The following PRAG1 variants were observed in gnomAD, a reference collection of about 807,000 sequenced individuals.
The protein encoded by PRAG1 is PEAK1 related, kinase-activating pseudokinase 1, also known as inactive tyrosine-protein kinase PRAG1.
Under a neutral mutation model 95.6 loss-of-function variants are expected in PRAG1, and 110 were observed. The observed-to-expected ratio is 1.15, with a 90% CI of 0.99 to 1.35. The LOEUF (loss-of-function observed/expected upper bound fraction) is 1.35. PRAG1 is among the 40% of genes most tolerant of loss of function. The probability of loss-of-function intolerance (pLI) is 0.00; values close to 1 mark genes in which losing one functional copy is unlikely to be tolerated. For missense variants in PRAG1, 2,554 were observed against 1,864.7 expected (o/e 1.37, Z -6.81); for synonymous variants, 1,052 against 819.4 (o/e 1.28, Z -4.85).
At chr8:8,319,846 T>C (rs1036917490) in intron 5 of PRAG1, among the ~76,000 whole-genome samples, 3 of 152,206 alleles carry the variant, frequency 2.0e-5, no homozygotes, top group African/African-American at 7.2e-5. Context: ...GAAAAGATGC[T>C]GGACATCATT....
chr8:8,385,780 G>T, intron 1 of PRAG1, among the ~76,000 whole-genome samples: 1 of 152,052 alleles, frequency 6.6e-6, no homozygotes, highest in African/African-American at 2.4e-5. Flanking sequence ...GGTTAATAAC[G>T]TGCTCACAGC....
chr8:8,381,721 G>A lies in PRAG1; in HGVS notation c.27C>T (p.Pro9=), dbSNP rs750054213. 4.0e-5 allele frequency: 64 copies of A among 1,600,814 alleles called. No individual in the cohort carries two copies. The highest frequency in any genetic ancestry group is 6.7e-5 in the East Asian group (3 of 44,564). The change falls in exon 2 of 6, where the codon CCC becomes CCT. Residue 9 remains proline, a synonymous_variant. Transcript: ENST00000615670. ...TGCACGCAGACATTTTCAGGCTCTC[G>A]GGGTTCAGGCAGAGGGTCTGGTGCA... The part of the protein sequence containing the change: MHQTLCLN[P]ESLKMSACSD...
chr8:8,318,018 A>G lies in PRAG1; in HGVS notation c.*136T>C, dbSNP rs1367624269. ...TATATATGGTATATGTATTTTCTAT[A>G]TATATATTTATATATTTTACATCCA... On this transcript the variant is annotated 3_prime_UTR_variant, in exon 6 of 6. Transcript: ENST00000615670. This position sits in a 1 kb window ranked among gnomAD's most constrained non-coding sequence, Gnocchi z 4.2. 2 of 642,486 alleles carry G rather than the reference A, an allele frequency of 3.1e-6. No individual in the cohort carries two copies. The highest frequency in any genetic ancestry group is 4.7e-6 in the Non-Finnish European group (2 of 424,864). The allele number at this position is 642,486 out of a possible 1,614,324, so 39.8% of individuals were successfully genotyped here. A position where few individuals can be genotyped will look rare whatever the true frequency, so the allele number is the denominator to read the frequency against.
intron 3 of PRAG1, among the ~76,000 whole-genome samples, chr8:8,342,905 C>T (rs994257960): frequency 6.6e-6 from 1 of 151,992 alleles, no homozygotes; most frequent in African/African-American, 2.4e-5. Flanking sequence ...ATAAATCTGA[C>T]TACTTTAAAA....
At chr8:8,366,483 T>G (rs1363600901) in intron 3 of PRAG1, among the ~76,000 whole-genome samples, 2 of 151,974 alleles carry the variant, frequency 1.3e-5, no homozygotes, top group Non-Finnish European at 2.9e-5. Flanking sequence ...CTGGCTAATT[T>G]TTTTACTTTT....
intron 3 of PRAG1, among the ~76,000 whole-genome samples, chr8:8,364,978 G>C (rs547282671): frequency 6.6e-6 from 1 of 152,128 alleles, no homozygotes; most frequent in South Asian, 2.1e-4. Flanking sequence ...TTCACGTCTT[G>C]AAGATGACAT....
At chr8:8,375,042 T>C (rs915052263) in intron 3 of PRAG1, among the ~76,000 whole-genome samples, 1 of 151,274 alleles carries the variant, frequency 6.6e-6, no homozygotes, top group East Asian at 1.9e-4. Flanking sequence ...AAATTTTTTT[T>C]CCCCAGCATT....
Position 8,327,836 on chromosome 8 carries a change from G to A in PRAG1, c.2946C>T (p.Leu982=), listed in dbSNP as rs1029721220. Residue 982 remains leucine, a synonymous_variant, in exon 5 of 6, where the codon CTC becomes CTT. Transcript: ENST00000615670. Reference sequence around the variant, plus strand: ...GCGACCAGTTATTCTCATTGAAGTGGAGCTCCTTTTTCTGGCCGCCCATGA... The same window carrying A: ...GCGACCAGTTATTCTCATTGAAGTGAAGCTCCTTTTTCTGGCCGCCCATGA... ...DLFMGGQKKE[L]HFNENNWSLF... 27 of 1,614,130 alleles carry A rather than the reference G, an allele frequency of 1.7e-5. No individual in the cohort carries two copies. The highest frequency in any genetic ancestry group is 2.3e-5 in the Non-Finnish European group (27 of 1,180,044).
chr8:8,385,151 C>G (rs1442619076), intron 1 of PRAG1, among the ~76,000 whole-genome samples: 1 of 152,094 alleles, frequency 6.6e-6, no homozygotes, highest in African/African-American at 2.4e-5. Flanking sequence ...AAATTTTTTT[C>G]TGTATGTTAC....
intron 2 of PRAG1, 80 bp from the exon 3 acceptor site, chr8:8,378,158 G>T: frequency 6.9e-7 from 1 of 1,440,508 alleles, no homozygotes. Context: ...TGAGAGGGAA[G>T]GGCAACGATA....
At chr8:8,354,485 G>A (rs1799625856) in intron 3 of PRAG1, among the ~76,000 whole-genome samples, 1 of 151,900 alleles carries the variant, frequency 6.6e-6, no homozygotes, top group Admixed American at 6.6e-5. Flanking sequence ...CACAAGAAAA[G>A]AAAAAGTACA....
At chr8:8,345,056 T>C (rs187798452) in intron 3 of PRAG1, among the ~76,000 whole-genome samples, 17 of 147,490 alleles carry the variant, frequency 1.2e-4, no homozygotes, top group Admixed American at 2.7e-4. Context: ...GGTGTGTGTG[T>C]GTGTGTGTGT....
Position 8,328,015 on chromosome 8 carries a change from G to T in PRAG1, c.2767C>A (p.Leu923Met). The T allele has an allele frequency of 6.3e-7, 1 of 1,586,218 alleles. No homozygotes were observed. Among genetic ancestry groups the T allele is most frequent in the Non-Finnish European group, 8.6e-7 (1 of 1,165,228 alleles). ...KGAPSASSSQLSVSSQASTGS... is the reference protein window; with the variant it reads ...KGAPSASSSQMSVSSQASTGS... ...GTGGAGGCTTGACTGGACACGCTCAGCTGGGAGGATGAGGCGGAGGGGGCC... is the reference window on the plus strand; with the variant it reads ...GTGGAGGCTTGACTGGACACGCTCATCTGGGAGGATGAGGCGGAGGGGGCC... The change falls in exon 5 of 6, where the codon CTG (leucine) becomes ATG (methionine). Residue 923 changes from leucine to methionine, a missense_variant. Coordinates refer to ENST00000615670, the MANE Select transcript of PRAG1 (RefSeq NM_001080826.3).
chr8:8,350,316 G>T (rs1260548412), intron 3 of PRAG1, among the ~76,000 whole-genome samples: 1 of 152,150 alleles, frequency 6.6e-6, no homozygotes. Context: ...AGAGAGTGAT[G>T]AAGAACTCAT....
chr8:8,344,038 CAT>C (rs1413537064), intron 3 of PRAG1, among the ~76,000 whole-genome samples: 1 of 151,834 alleles, frequency 6.6e-6, no homozygotes, highest in Non-Finnish European at 1.5e-5. Flanking sequence ...TGATATATTC[CAT>C]ATGTTTTTTT....
intron 5 of PRAG1, 62 bp downstream of exon 5, chr8:8,327,648 G>A (rs1247546111): frequency 1.9e-6 from 3 of 1,549,996 alleles, no homozygotes; most frequent in African/African-American, 1.4e-5. Context: ...TCAGGCCACA[G>A]TTCTGCCCAA....
chr8:8,375,644 C>T (rs1247762616), intron 3 of PRAG1, among the ~76,000 whole-genome samples: 1 of 152,058 alleles, frequency 6.6e-6, no homozygotes, highest in East Asian at 1.9e-4. Flanking sequence ...CTGTTTGCCT[C>T]CCCAAATCTT....
Position 8,376,388 on chromosome 8 carries a change from A to G in PRAG1, c.2021T>C (p.Leu674Pro). The G allele has an allele frequency of 1.9e-6, 3 of 1,614,088 alleles. No homozygotes were observed. The highest frequency in any genetic ancestry group is 2.5e-6 in the Non-Finnish European group (3 of 1,180,026). ...CCCAGAGGAGCCATCTGTGGGGTGG[A>G]GACGGTGCCAGGTCGTGGAGTTTGA... ...DHSNSTTWHR[L>P]HPTDGSSGQN... The change falls in exon 3 of 6, where the codon CTC becomes CCC. Residue 674 changes from leucine (L) to proline (P), a missense_variant. Transcript: ENST00000615670.
rs751307228 is a variant in PRAG1, at chr8:8,381,715, G to A, written c.33C>T (p.Ser11=). The A allele has an allele frequency of 1.2e-6, 2 of 1,603,340 alleles. No homozygotes were observed. The highest frequency in any genetic ancestry group is 1.1e-5 in the South Asian group (1 of 90,386). The change falls in exon 2 of 6, where the codon AGC becomes AGT. Residue 11 remains serine (S), a synonymous_variant. Coordinates refer to ENST00000615670, the MANE Select transcript of PRAG1 (RefSeq NM_001080826.3). The part of the protein sequence containing the change: MHQTLCLNPE[S]LKMSACSDFV... ...AGTCACTGCACGCAGACATTTTCAG[G>A]CTCTCGGGGTTCAGGCAGAGGGTCT... is the stretch of plus-strand genomic sequence containing the variant.
Sources: gnomAD v4.1 joint callset for allele counts (sites outside exome capture counted in the v4.1 genomes callset) on GRCh38, gnomAD v4.1.1 for gene constraint, Gnocchi (gnomAD v3.1) non-coding constraint, MANE v1.5 for transcripts, NCBI Gene and HGNC (gene_info 2026-07-23, HGNC 2026-07-21) for gene names.